Variants in TTC34 observed in about 807,000 individuals in gnomAD.
TTC34 encodes tetratricopeptide repeat domain 34.
In TTC34, 44 loss-of-function variants were observed where a neutral mutation model predicts 40.7. The ratio of observed to expected loss-of-function variants is 1.08; its 90% CI spans 0.85 to 1.39. The LOEUF is 1.39. Among genes scored for constraint, TTC34 ranks in the 40% most tolerant of loss-of-function variants. The pLI, the probability that TTC34 is intolerant of heterozygous loss-of-function variation, is 0.00. For missense variants in TTC34, 884 were observed against 838.0 expected, an observed-to-expected ratio of 1.05 and a Z score of -0.68; for synonymous variants, 422 against 398.6, an observed-to-expected ratio of 1.06 and a Z score of -0.70.
chr1:2,789,804 C>T (rs1643641392), exon 3 of TTC34: 1 of 477,218 alleles, frequency 2.1e-6, no homozygotes, highest in Non-Finnish European at 3.6e-6. Context: ...GCCCCCTGCT[C>T]CACTACCGTC....
At chr1:2,751,776 T>G (rs1328751412) in intron 6 of TTC34, among the ~76,000 whole-genome samples, 1 of 116,738 alleles carries the variant, frequency 8.6e-6, no homozygotes. Context: ...CACCCACAGG[T>G]GAGCATCTGA....
chr1:2,777,644 G>A (rs1012330302), intron 6 of TTC34, among the ~76,000 whole-genome samples: 5 of 150,372 alleles, frequency 3.3e-5, no homozygotes, highest in African/African-American at 1.2e-4. Context: ...TCACAGCCTT[G>A]AGCCTGTGCC....
chr1:2,657,458 C>G (rs1557591121), intron 6 of TTC34, among the ~76,000 whole-genome samples: 2 of 89,742 alleles, frequency 2.2e-5, no homozygotes, highest in Non-Finnish European at 5.7e-5. Context: ...GCAGCACCCA[C>G]GCCCCCAGGC....
intron 6 of TTC34, chr1:2,773,871 A>T (rs2100559134): frequency 7.3e-6 from 1 of 137,728 alleles, no homozygotes; most frequent in East Asian, 2.2e-4. Flanking sequence ...CCAGGTGAGG[A>T]TCTGACAACC....
At chr1:2,686,995 C>T (rs1166189372) in intron 6 of TTC34, among the ~76,000 whole-genome samples, 70 of 145,340 alleles carry the variant, frequency 4.8e-4, no homozygotes, top group Admixed American at 8.3e-4. Context: ...CCTGGAAAAG[C>T]ACCCACACCC....
At chr1:2,753,045 G>A (rs1641377208) in intron 6 of TTC34, among the ~76,000 whole-genome samples, 2 of 148,820 alleles carry the variant, frequency 1.3e-5, no homozygotes, top group East Asian at 2.0e-4. Context: ...GCCTGGAGCA[G>A]CACCCACACC....
chr1:2,654,286 TGCACCCCCA>T (rs1639261945), intron 6 of TTC34, among the ~76,000 whole-genome samples: 7 of 24,634 alleles, frequency 2.8e-4, no homozygotes, highest in East Asian at 9.2e-4. Flanking sequence ...AAAAGCACCC[TGCACCCCCA>T]GGTGAGCATC....
At chr1:2,685,186 ACAGCACCCACAC>A (rs1640272823) in intron 6 of TTC34, among the ~76,000 whole-genome samples, 1 of 99,190 alleles carries the variant, frequency 1.0e-5, no homozygotes. Context: ...ACTGCCTGGA[ACAGCACCCACAC>A]CCCCAGGTGA....
At chr1:2,760,199 T>C (rs1331462297) in intron 6 of TTC34, among the ~76,000 whole-genome samples, 126 of 40,858 alleles carry the variant, frequency 3.1e-3, no homozygotes, top group Middle Eastern at 0.022. Context: ...GCAGCACCCA[T>C]ACCCCAAGGC....
chr1:2,791,321 T>C (rs918950071), intron 2 of TTC34, among the ~76,000 whole-genome samples: 1 of 152,198 alleles, frequency 6.6e-6, no homozygotes, highest in Non-Finnish European at 1.5e-5. Context: ...ACGAAGGTGC[T>C]GCAGGGGAGG....
chr1:2,783,879 G>T (rs1643531441), intron 5 of TTC34, 104 bp from the exon 6 acceptor site: 2 of 1,158,766 alleles, frequency 1.7e-6, no homozygotes, highest in Non-Finnish European at 2.3e-6. Context: ...GAGCTTCAGG[G>T]CCTACCTTGG....
chr1:2,752,468 G>T (rs1641354688), intron 6 of TTC34, among the ~76,000 whole-genome samples: 1 of 147,066 alleles, frequency 6.8e-6, no homozygotes, highest in Non-Finnish European at 1.5e-5. Context: ...GTGCGCACGT[G>T]ACAGCCTGGA....
chr1:2,699,661 T>C, intron 6 of TTC34, among the ~76,000 whole-genome samples: 1 of 47,868 alleles, frequency 2.1e-5, no homozygotes, highest in East Asian at 6.6e-4. Context: ...AACCCCAAGG[T>C]GAGCATCTGA....
intron 6 of TTC34, among the ~76,000 whole-genome samples, chr1:2,688,673 C>A (rs1444083919): frequency 7.4e-6 from 1 of 134,968 alleles, no homozygotes; most frequent in Non-Finnish European, 1.5e-5. Flanking sequence ...CTCTGACAGC[C>A]TGGAACAGCA....
intron 1 of TTC34, among the ~76,000 whole-genome samples, chr1:2,801,270 C>A (rs1643769277): frequency 6.6e-6 from 1 of 152,054 alleles, no homozygotes; most frequent in African/African-American, 2.4e-5. Flanking sequence ...AAGGCACACC[C>A]CCCGTCAGTC....
At chr1:2,759,448 G>A (rs1641618392) in intron 6 of TTC34, among the ~76,000 whole-genome samples, 1 of 121,664 alleles carries the variant, frequency 8.2e-6, no homozygotes, top group East Asian at 2.8e-4. Flanking sequence ...TCCCAGGCGA[G>A]CATCTGACAG....
intron 6 of TTC34, among the ~76,000 whole-genome samples, chr1:2,694,018 G>T (rs1448906625): frequency 9.3e-6 from 1 of 107,988 alleles, no homozygotes; most frequent in Non-Finnish European, 2.1e-5. Flanking sequence ...GCCTGGAACA[G>T]CACCCACACC....
intron 6 of TTC34, among the ~76,000 whole-genome samples, chr1:2,684,405 A>G (rs370222863): frequency 1.3e-5 from 2 of 151,028 alleles, no homozygotes; most frequent in African/African-American, 4.9e-5. Flanking sequence ...CCCCCAGGTG[A>G]GCATCTGACA....
chr1:2,681,734 G>A (rs201787336), intron 6 of TTC34, among the ~76,000 whole-genome samples: 9 of 86,740 alleles, frequency 1.0e-4, no homozygotes, highest in East Asian at 6.4e-4. Context: ...AGCCTGGAGC[G>A]GAACCCACGG....
Sources: allele counts gnomAD v4.1 joint callset (sites outside exome capture counted in the v4.1 genomes callset), GRCh38; gene constraint gnomAD v4.1.1; transcripts MANE v1.5; gene names NCBI Gene and HGNC (gene_info 2026-07-23, HGNC 2026-07-21).